PSMA6: variants seen among roughly 807,000 people sequenced by gnomAD.
PSMA6 encodes proteasome subunit alpha type-6.
For missense variants in PSMA6, 170 were observed against 294.8 expected (o/e 0.58, Z 3.10); for synonymous variants, 88 against 97.7 (o/e 0.90, Z 0.59).
rs149184235 is a variant in PSMA6 at position 35,298,028 on chromosome 14, G to T, written c.76+5476G>T. On this transcript the variant is annotated intron_variant, in intron 1 of 6. Coordinates refer to ENST00000261479, the MANE Select transcript of PSMA6 (RefSeq NM_002791.3). ...TTACTTCCTAACCTAATGGTTTGTTGTTGGGTTCAACCATGAAACTGCTGG... is the reference window on the plus strand; with the variant it reads ...TTACTTCCTAACCTAATGGTTTGTTTTTGGGTTCAACCATGAAACTGCTGG... 6.3e-4 allele frequency among the ~76,000 whole-genome samples: 96 copies of T among 152,282 alleles called. No homozygotes were observed. In the East Asian group the frequency reaches 0.016, roughly 25 times the overall value.
intron 1 of PSMA6, among the ~76,000 whole-genome samples, chr14:35,280,686 C>T (rs560901875): frequency 3.3e-5 from 5 of 152,054 alleles, no homozygotes; most frequent in African/African-American, 1.2e-4. Context: ...CCAGCCTGGT[C>T]TCATTGTTTC....
At position 35,314,436 on chromosome 14, in the gene PSMA6, G is replaced by A; in HGVS notation, c.664G>A (p.Val222Ile). ...PSEIEVGVVT[V>I]ENPKFRILTE... ...AGAAATAGAAGTTGGAGTAGTGACA[G>A]TTGAAAATCCTAAATTCAGGTGAGT... The change falls in exon 6 of 7, where the codon GTT (valine) becomes ATT (isoleucine). Residue 222 changes from valine to isoleucine, a missense_variant. Transcript: ENST00000261479. 6.2e-7 allele frequency: 1 copy of A among 1,610,924 alleles called. No individual in the cohort carries two copies. The highest frequency in any genetic ancestry group is 8.5e-7 in the Non-Finnish European group (1 of 1,177,966).
chr14:35,310,662 T>C, intron 3 of PSMA6, 78 bp from the exon 4 acceptor site: 2 of 1,476,006 alleles, frequency 1.4e-6, no homozygotes, highest in Non-Finnish European at 1.9e-6. Context: ...GGTGGGAAAA[T>C]TGCCTGGCTA....
upstream of PSMA6, chr14:35,278,600 G>C: frequency 2.3e-6 from 3 of 1,280,730 alleles, no homozygotes; most frequent in Non-Finnish European, 3.3e-6. Context: ...ATTCCCTGAC[G>C]ATTCCATCCA....
At chr14:35,314,573 G>T in intron 6 of PSMA6, 118 bp downstream of exon 6, 1 of 1,287,768 alleles carries the variant, frequency 7.8e-7, no homozygotes, top group Non-Finnish European at 1.0e-6. Context: ...TTTTGTTTGT[G>T]TGTTTGTTTT....
At chr14:35,303,900 A>C (rs1406310199) in intron 1 of PSMA6, among the ~76,000 whole-genome samples, 5 of 151,160 alleles carry the variant, frequency 3.3e-5, no homozygotes, top group Non-Finnish European at 5.9e-5. Context: ...AGCTAGAGAT[A>C]ATTTCTTTCT....
chr14:35,308,604 T>C (rs2051878511), intron 2 of PSMA6, among the ~76,000 whole-genome samples: 1 of 152,192 alleles, frequency 6.6e-6, no homozygotes, highest in African/African-American at 2.4e-5. Flanking sequence ...TTAAACTTCA[T>C]GGCGTGATTA....
intron 1 of PSMA6, among the ~76,000 whole-genome samples, chr14:35,301,435 A>T (rs1417268536): frequency 1.3e-5 from 2 of 151,976 alleles, no homozygotes; most frequent in Non-Finnish European, 2.9e-5. Context: ...TGAACCTGGG[A>T]GGCAGAGGTT....
At chr14:35,289,521 A>G (rs981219417), upstream of PSMA6, among the ~76,000 whole-genome samples, 4 of 151,928 alleles carry the variant, frequency 2.6e-5, no homozygotes, top group African/African-American at 9.7e-5. Context: ...TTGTATTTTA[A>G]TAGAGATGAG....
chr14:35,294,156 C>T (rs1301525576), intron 1 of PSMA6, among the ~76,000 whole-genome samples: 1 of 152,214 alleles, frequency 6.6e-6, no homozygotes, highest in African/African-American at 2.4e-5. Flanking sequence ...GCAATTCTGC[C>T]TCAGCCTCCC....
intron 1 of PSMA6, chr14:35,293,121 C>G (rs536690732): frequency 4.6e-6 from 2 of 431,952 alleles, no homozygotes; most frequent in Admixed American, 5.3e-5. Context: ...TTAAAAGTGC[C>G]AATTTACAAA....
chr14:35,310,763 A>C lies in PSMA6; in HGVS notation c.277A>C (p.Arg93=), dbSNP rs1335907299. ...MTADSRSQVQ[R]ARYEAANWKY... is the part of the protein sequence containing the mutation. Reference sequence around the variant, plus strand: ...AGCTGACAGCAGATCCCAGGTACAGAGGGCACGCTATGAGGCAGCTAACTG... The same window carrying C: ...AGCTGACAGCAGATCCCAGGTACAGCGGGCACGCTATGAGGCAGCTAACTG... Residue 93 remains arginine (R), a synonymous_variant, in exon 4 of 7, where the codon AGG becomes CGG. Transcript: ENST00000261479. 2 of 1,612,322 alleles carry C rather than the reference A, an allele frequency of 1.2e-6. No individual in the cohort carries two copies. Among genetic ancestry groups the C allele is most frequent in the Non-Finnish European group, 1.7e-6 (2 of 1,179,822 alleles).
upstream of PSMA6, chr14:35,278,613 C>A: frequency 7.1e-7 from 1 of 1,407,292 alleles, no homozygotes; most frequent in South Asian, 1.2e-5. Flanking sequence ...TCCATCCATG[C>A]GGCTCTGCTG....
intron 1 of PSMA6, among the ~76,000 whole-genome samples, chr14:35,303,190 A>G (rs759730856): frequency 2.0e-5 from 3 of 152,138 alleles, no homozygotes; most frequent in Non-Finnish European, 2.9e-5. Flanking sequence ...TTTTGTTCTA[A>G]TAGGCAGTTA....
At chr14:35,303,006 G>C (rs563246772) in intron 1 of PSMA6, among the ~76,000 whole-genome samples, 1 of 152,214 alleles carries the variant, frequency 6.6e-6, no homozygotes, top group Admixed American at 6.5e-5. Flanking sequence ...TTCTTTTTGA[G>C]AATTAAACAC....
At chr14:35,303,839 T>C (rs2051766249) in intron 1 of PSMA6, among the ~76,000 whole-genome samples, 2 of 152,208 alleles carry the variant, frequency 1.3e-5, no homozygotes, top group East Asian at 1.9e-4. Flanking sequence ...CGCTAAACAA[T>C]GTAGTATAAC....
At chr14:35,308,131 GAATTTTTC>G in intron 2 of PSMA6, 43 bp downstream of exon 2, 1 of 1,602,730 alleles carries the variant, frequency 6.2e-7, no homozygotes, top group East Asian at 2.3e-5. Flanking sequence ...CAGAATATAA[GAATTTTTC>G]AGCCAAGTGC....
At chr14:35,306,518 A>G (rs527680456) in intron 1 of PSMA6, among the ~76,000 whole-genome samples, 1 of 152,254 alleles carries the variant, frequency 6.6e-6, no homozygotes, top group East Asian at 1.9e-4. Flanking sequence ...AGCCTAGTCA[A>G]CATGGTGAAA....
intron 1 of PSMA6, among the ~76,000 whole-genome samples, chr14:35,295,961 T>TGATC (rs1459838300): frequency 4.6e-5 from 7 of 152,306 alleles, no homozygotes; most frequent in South Asian, 4.1e-4. Flanking sequence ...TTCTGTTTGC[T>TGATC]GATCCTTTGC....
Sources: allele counts gnomAD v4.1 joint callset (sites outside exome capture counted in the v4.1 genomes callset), GRCh38; gene constraint gnomAD v4.1.1; transcripts MANE v1.5; gene names NCBI Gene and HGNC (gene_info 2026-07-23, HGNC 2026-07-21).